Variants in DENND1A observed in about 807,000 individuals in gnomAD.
DENND1A encodes the protein DENN domain-containing protein 1A.
In DENND1A, 51 loss-of-function variants were observed where a neutral mutation model predicts 113.7. That is an observed-to-expected ratio of 0.45 (90% CI 0.36 to 0.57). DENND1A has a LOEUF of 0.57. Among genes scored for constraint, DENND1A ranks in the 20% least tolerant of loss-of-function variants. The pLI is 0.00. For synonymous variants in DENND1A, 565 were observed against 570.8 expected, an observed-to-expected ratio of 0.99 and a Z score of 0.14; for missense variants, 1,258 against 1,395.9, an observed-to-expected ratio of 0.90 and a Z score of 1.57.
In DENND1A at chr9:123,604,081, A is replaced by G. The variant is rs1434241153; in HGVS notation, c.765+5355T>C. 2.6e-5 allele frequency among the ~76,000 whole-genome samples: 4 copies of G among 152,120 alleles called. No individual in the cohort carries two copies. The East Asian group carries it at 5.8e-4, about 22-fold the overall frequency. ...CCCTTCAATGGCTCTCCATTGCCCT[A>G]TAAAGTTCAAACTCTTTACTGCAGC... On this transcript the variant is annotated intron_variant, in intron 11 of 23. Transcript: ENST00000394215.
At chr9:123,397,015 G>A (rs1026333365) in intron 21 of DENND1A, among the ~76,000 whole-genome samples, 1 of 152,214 alleles carries the variant, frequency 6.6e-6, no homozygotes, top group African/African-American at 2.4e-5. Flanking sequence ...CAAGGGCAGT[G>A]ACAATCTCTT....
intron 6 of DENND1A, among the ~76,000 whole-genome samples, chr9:123,672,466 C>T (rs1389998225): frequency 6.6e-6 from 1 of 152,164 alleles, no homozygotes; most frequent in East Asian, 1.9e-4. Flanking sequence ...CAAGATTACG[C>T]CCCATCATCC....
intron 1 of DENND1A, among the ~76,000 whole-genome samples, chr9:123,893,498 C>A (rs1564458399): frequency 6.6e-6 from 1 of 152,148 alleles, no homozygotes; most frequent in Non-Finnish European, 1.5e-5. Flanking sequence ...CCCCTACCAA[C>A]CCACATGCCC....
chr9:123,601,872 G>A (rs1009123513), intron 11 of DENND1A, among the ~76,000 whole-genome samples: 1 of 152,182 alleles, frequency 6.6e-6, no homozygotes, highest in African/African-American at 2.4e-5. Context: ...CTTGTCTCTG[G>A]AGGAATATGG....
chr9:123,828,161 G>A (rs1368922022), intron 2 of DENND1A, among the ~76,000 whole-genome samples: 2 of 151,932 alleles, frequency 1.3e-5, no homozygotes, highest in Non-Finnish European at 2.9e-5. Flanking sequence ...GAGAGAGAGA[G>A]GGAGATAAGA....
intron 21 of DENND1A, among the ~76,000 whole-genome samples, chr9:123,397,959 T>G (rs1188371908): frequency 5.3e-5 from 8 of 152,202 alleles, no homozygotes; most frequent in Non-Finnish European, 1.2e-4. Context: ...CTCGTGTGAC[T>G]GGAGAGTGTT....
intron 4 of DENND1A, among the ~76,000 whole-genome samples, chr9:123,763,349 A>G (rs751724718): frequency 1.2e-3 from 189 of 152,294 alleles, no homozygotes; most frequent in Admixed American, 2.5e-3. Flanking sequence ...GATATGAATG[A>G]CAGGCTTGCA....
At chr9:123,832,386 G>T (rs1487715871) in intron 2 of DENND1A, among the ~76,000 whole-genome samples, 1 of 152,180 alleles carries the variant, frequency 6.6e-6, no homozygotes, top group African/African-American at 2.4e-5. Context: ...GTAAGTGTTG[G>T]TGATGATATA....
At chr9:123,424,006 C>T (rs2045522779) in intron 19 of DENND1A, among the ~76,000 whole-genome samples, 1 of 152,170 alleles carries the variant, frequency 6.6e-6, no homozygotes. Flanking sequence ...GGAGCCATAA[C>T]ATTCCACACC....
At chr9:123,739,990 A>G (rs1352158054) in intron 5 of DENND1A, among the ~76,000 whole-genome samples, 11 of 152,138 alleles carry the variant, frequency 7.2e-5, no homozygotes, top group Admixed American at 7.2e-4. Context: ...GAGTCACATA[A>G]TGTACACAGA....
chr9:123,900,064 CATAG>C (rs1167264983), intron 1 of DENND1A, among the ~76,000 whole-genome samples: 5 of 152,130 alleles, frequency 3.3e-5, no homozygotes, highest in Non-Finnish European at 7.4e-5. Flanking sequence ...GTATTTACAC[CATAG>C]ATAAAGCACA....
chr9:123,823,206 A>C (rs891782988), intron 2 of DENND1A, among the ~76,000 whole-genome samples: 1 of 152,232 alleles, frequency 6.6e-6, no homozygotes, highest in African/African-American at 2.4e-5. Flanking sequence ...GAAAAAGCAC[A>C]GCATGCTTTA....
intron 3 of DENND1A, among the ~76,000 whole-genome samples, chr9:123,787,973 A>C (rs1486444018): frequency 1.3e-5 from 2 of 152,120 alleles, no homozygotes; most frequent in East Asian, 3.9e-4. Context: ...CTGCAACTCT[A>C]AACAGCAATC....
chr9:123,913,065 T>C (rs1854330165), intron 1 of DENND1A, among the ~76,000 whole-genome samples: 1 of 135,940 alleles, frequency 7.4e-6, no homozygotes, highest in Non-Finnish European at 1.5e-5. Context: ...AAGAGCAGCC[T>C]CCTTCCCTTC....
chr9:123,652,048 G>A lies in DENND1A; in HGVS notation c.583C>T (p.Arg195Cys), dbSNP rs1396776730. ...TTGCTGCAAATGATGAGTATCCGGC[G>A]TTCGTACAGCATACTGGCGTACAGA... is the stretch of plus-strand genomic sequence containing the variant. ...LHLYASMLYE[R>C]RILIICSKLS... The change falls in exon 9 of 24, where the codon CGC (arginine) becomes TGC (cysteine). Residue 195 changes from arginine (R) to cysteine (C), a missense_variant. Physicochemically the swap from Arg to Cys is radical, Grantham distance 180. Coordinates refer to ENST00000394215, the MANE Select transcript of DENND1A (RefSeq NM_001352964.2). The A allele has an allele frequency of 2.5e-6, 4 of 1,614,062 alleles. No individual in the cohort carries two copies. The highest frequency in any genetic ancestry group is 1.1e-5 in the South Asian group (1 of 91,074).
At chr9:123,823,663 CA>C (rs564537171) in intron 2 of DENND1A, among the ~76,000 whole-genome samples, 1 of 152,110 alleles carries the variant, frequency 6.6e-6, no homozygotes. Flanking sequence ...TGGAATTAGG[CA>C]AAATGAAATA....
chr9:123,385,927 T>C (rs750638101), intron 22 of DENND1A, among the ~76,000 whole-genome samples: 17 of 152,316 alleles, frequency 1.1e-4, no homozygotes, highest in Middle Eastern at 3.4e-3. Flanking sequence ...AATAGTGTTC[T>C]TTTGAGCCCA....
At chr9:123,775,557 C>G (rs758311963) in intron 3 of DENND1A, among the ~76,000 whole-genome samples, 36 of 152,026 alleles carry the variant, frequency 2.4e-4, no homozygotes, top group Non-Finnish European at 4.9e-4. Flanking sequence ...GATAGAAATA[C>G]TATTTTGTAA....
intron 10 of DENND1A, among the ~76,000 whole-genome samples, chr9:123,629,880 C>T (rs558890998): frequency 2.0e-5 from 3 of 152,178 alleles, no homozygotes. Context: ...CAAACAAACA[C>T]GCAACCTTTT....
Sources: gnomAD v4.1 joint callset for allele counts (sites outside exome capture counted in the v4.1 genomes callset) on GRCh38, gnomAD v4.1.1 for gene constraint, MANE v1.5 for transcripts, NCBI Gene and HGNC (gene_info 2026-07-23, HGNC 2026-07-21) for gene names.